The following NEK1 variants were observed in gnomAD, a reference collection of about 807,000 sequenced individuals.
The protein encoded by NEK1 is NIMA related kinase 1.
Under a neutral mutation model 182.1 loss-of-function variants are expected in NEK1, and 137 were observed. The observed-to-expected ratio is 0.75, with a 90% CI of 0.65 to 0.87. The LOEUF is 0.87. Ranked by LOEUF, NEK1 falls within the 40% of genes least tolerant of loss-of-function variation. NEK1 has a pLI of 0.00. For missense variants in NEK1, 1,391 were observed against 1,494.4 expected (o/e 0.93, Z 1.14); for synonymous variants, 513 against 492.2 (o/e 1.04, Z -0.56).
intron 5 of NEK1, among the ~76,000 whole-genome samples, chr4:169,593,796 G>T (rs574352305): frequency 4.7e-4 from 72 of 152,184 alleles, no homozygotes; most frequent in Non-Finnish European, 7.9e-4. Flanking sequence ...AGACCATCCT[G>T]GCTAACACGG....
intron 2 of NEK1, among the ~76,000 whole-genome samples, chr4:169,604,417 T>G (rs887828931): frequency 3.9e-5 from 6 of 152,218 alleles, no homozygotes; most frequent in Non-Finnish European, 8.8e-5. Flanking sequence ...TCACCCTTAT[T>G]GTAGACATAC....
intron 23 of NEK1, among the ~76,000 whole-genome samples, chr4:169,488,196 T>G (rs781285939): frequency 3.3e-5 from 5 of 152,182 alleles, no homozygotes; most frequent in Non-Finnish European, 7.4e-5. Flanking sequence ...ATTTGCCAAT[T>G]TTTGCTTTTG....
At chr4:169,400,086 T>C (rs1430639842) in intron 35 of NEK1, 139 bp downstream of exon 35, 2 of 869,162 alleles carry the variant, frequency 2.3e-6, no homozygotes, top group Non-Finnish European at 1.9e-6. Flanking sequence ...ACAAAGTTAA[T>C]TTTATTATTG....
intron 27 of NEK1, among the ~76,000 whole-genome samples, chr4:169,460,441 C>T (rs750024273): frequency 9.2e-5 from 14 of 151,852 alleles, no homozygotes; most frequent in Non-Finnish European, 1.8e-4. Context: ...AAAGACCTGC[C>T]CCCATAATTC....
At position 169,601,992 on chromosome 4, in the gene NEK1, G is replaced by A. The variant is rs529922717; in HGVS notation, c.214+16C>T. On this transcript the variant is annotated intron_variant, in intron 4 of 35. Coordinates refer to ENST00000507142, the MANE Select transcript of NEK1 (RefSeq NM_001199397.3). ...TGTCTTAGGATTTTTTAACTCTCTC[G>A]CATAATTTATCTGACCTTCAAATGA... 1.9e-5 allele frequency: 30 copies of A among 1,552,656 alleles called. No individual in the cohort carries two copies. Among genetic ancestry groups the A allele is most frequent in the Middle Eastern group, 1.7e-4 (1 of 5,942 alleles).
chr4:169,426,272 C>T (rs765097134), intron 29 of NEK1, 38 bp from the exon 30 acceptor site: 2 of 1,531,020 alleles, frequency 1.3e-6, no homozygotes, highest in South Asian at 1.1e-5. Context: ...AACACACACA[C>T]TTAGTTTACC....
At chr4:169,600,049 T>C (rs1233676210) in intron 4 of NEK1, among the ~76,000 whole-genome samples, 4 of 152,126 alleles carry the variant, frequency 2.6e-5, no homozygotes, top group Admixed American at 2.6e-4. Context: ...TGATGATTCT[T>C]TCCATCCCTT....
chr4:169,494,907 C>T (rs11934954), intron 23 of NEK1, among the ~76,000 whole-genome samples: 16,885 of 152,094 alleles, frequency 0.11, 1,038 homozygotes, highest in East Asian at 0.17. Context: ...TTTTGAGAAG[C>T]GTCTGTTCAT....
intron 19 of NEK1, among the ~76,000 whole-genome samples, chr4:169,515,657 C>G (rs1240966570): frequency 9.6e-6 from 1 of 104,222 alleles, no homozygotes; most frequent in Non-Finnish European, 1.9e-5. Flanking sequence ...CCCCCCTCCC[C>G]CGACCCCACC....
At chr4:169,518,508 A>T in intron 19 of NEK1, among the ~76,000 whole-genome samples, 1 of 101,664 alleles carries the variant, frequency 9.8e-6, no homozygotes. Context: ...TATTTCCTTC[A>T]GTTCTGCTCT....
intron 19 of NEK1, among the ~76,000 whole-genome samples, chr4:169,522,785 C>T (rs2149756045): frequency 6.6e-6 from 1 of 152,328 alleles, no homozygotes; most frequent in East Asian, 1.9e-4. Context: ...CATCAGGTCC[C>T]TGGTGTCAGG....
chr4:169,604,136 C>T (rs1011271331), intron 2 of NEK1, among the ~76,000 whole-genome samples: 1 of 152,050 alleles, frequency 6.6e-6, no homozygotes, highest in African/African-American at 2.4e-5. Flanking sequence ...AATTATTTTC[C>T]CTTATATCCT....
At chr4:169,429,192 C>G (rs1736969961) in intron 29 of NEK1, among the ~76,000 whole-genome samples, 1 of 152,176 alleles carries the variant, frequency 6.6e-6, no homozygotes. Context: ...TGGAACCAAT[C>G]CCTCAAATAT....
intron 16 of NEK1, among the ~76,000 whole-genome samples, chr4:169,560,129 A>G (rs1032347078): frequency 2.0e-5 from 3 of 152,344 alleles, no homozygotes; most frequent in Admixed American, 6.5e-5. Flanking sequence ...ATATCTATTT[A>G]TAATCTCAGT....
intron 27 of NEK1, among the ~76,000 whole-genome samples, chr4:169,453,871 G>A (rs1742326760): frequency 6.6e-6 from 1 of 152,168 alleles, no homozygotes; most frequent in Admixed American, 6.5e-5. Flanking sequence ...ATTCCTGTGT[G>A]TGTCTTTAAT....
At chr4:169,600,881 C>T (rs1249265131) in intron 4 of NEK1, among the ~76,000 whole-genome samples, 3 of 152,156 alleles carry the variant, frequency 2.0e-5, no homozygotes, top group Admixed American at 6.5e-5. Flanking sequence ...CCTTTTGAAT[C>T]ACACAGATGT....
intron 11 of NEK1, among the ~76,000 whole-genome samples, chr4:169,579,349 G>C (rs929244807): frequency 6.6e-6 from 1 of 152,202 alleles, no homozygotes; most frequent in Admixed American, 6.5e-5. Context: ...TTGTGACAAA[G>C]AGCCTTTTGA....
intron 23 of NEK1, among the ~76,000 whole-genome samples, chr4:169,499,081 A>T (rs1022069924): frequency 4.6e-5 from 7 of 152,062 alleles, no homozygotes; most frequent in African/African-American, 1.7e-4. Flanking sequence ...TAGTCCCATA[A>T]TTCTTGGAGG....
At chr4:169,542,862 A>C (rs1031224688) in intron 18 of NEK1, among the ~76,000 whole-genome samples, 1 of 151,744 alleles carries the variant, frequency 6.6e-6, no homozygotes, top group Non-Finnish European at 1.5e-5. Context: ...TGTAAATTTA[A>C]GTTATTTGTA....
Sources: gnomAD v4.1 joint callset for allele counts (sites outside exome capture counted in the v4.1 genomes callset) on GRCh38, gnomAD v4.1.1 for gene constraint, MANE v1.5 for transcripts, NCBI Gene and HGNC (gene_info 2026-07-23, HGNC 2026-07-21) for gene names.